The following LCOR variants were observed in gnomAD, a reference collection of about 807,000 sequenced individuals.
LCOR encodes the protein ligand dependent nuclear receptor corepressor.
LCOR carries 14 observed loss-of-function variants against 64.4 expected under a neutral mutation model. The observed-to-expected ratio is 0.22, with a 90% CI of 0.14 to 0.34. LCOR has a LOEUF of 0.34. Among genes scored for constraint, LCOR ranks in the 10% least tolerant of loss-of-function variants. LCOR has a pLI of 1.00. For synonymous variants in LCOR, 643 were observed against 642.5 expected, an observed-to-expected ratio of 1.00 and a Z score of -0.01; for missense variants, 1,686 against 1,765.3, an observed-to-expected ratio of 0.96 and a Z score of 0.80.
intron 4 of LCOR, among the ~76,000 whole-genome samples, chr10:96,910,928 C>T (rs1334627854): frequency 3.3e-5 from 5 of 152,024 alleles, no homozygotes; most frequent in Admixed American, 6.6e-5. Context: ...GTGAAAAATA[C>T]GAAGTAGCCT....
intron 2 of LCOR, among the ~76,000 whole-genome samples, chr10:96,876,455 C>G (rs1021638853): frequency 2.0e-5 from 3 of 151,972 alleles, no homozygotes; most frequent in Admixed American, 6.6e-5. Context: ...ATGGGAAAGG[C>G]CTTTAAATTA....
At chr10:96,877,397 T>A (rs1019993146) in intron 2 of LCOR, among the ~76,000 whole-genome samples, 3 of 151,932 alleles carry the variant, frequency 2.0e-5, no homozygotes, top group Non-Finnish European at 4.4e-5. Context: ...TGGTGATACA[T>A]GTCTGTAGTC....
chr10:96,862,255 T>C (rs1845899249), intron 2 of LCOR, among the ~76,000 whole-genome samples: 1 of 152,096 alleles, frequency 6.6e-6, no homozygotes, highest in African/African-American at 2.4e-5. Flanking sequence ...GAGGCTTCGT[T>C]ACATAGACAT....
At chr10:96,895,232 T>C (rs1846516918) in intron 2 of LCOR, among the ~76,000 whole-genome samples, 1 of 152,182 alleles carries the variant, frequency 6.6e-6, no homozygotes, top group Non-Finnish European at 1.5e-5. Flanking sequence ...GTGAACTAGA[T>C]CTCTGTCTGC....
At position 96,989,693 on chromosome 10, in the gene LCOR, A is replaced by ATT. The variant is rs1179095678; in HGVS notation, c.*4560_*4561insTT. On this transcript the variant is annotated 3_prime_UTR_variant, in exon 8 of 8. Transcript: ENST00000421806. ...GATAAGGATATATATATATATATAT[A>ATT]TATTTTTTTTTTTTTTTTTTTTTTT... 7.4e-5 allele frequency: 6 copies of ATT among 81,426 alleles called. No individual in the cohort carries two copies. The highest frequency in any genetic ancestry group is 3.0e-4 in the African/African-American group (4 of 13,482). 5.0% of individuals were successfully genotyped at this position (81,426 alleles called of 1,614,324 possible).
intron 2 of LCOR, among the ~76,000 whole-genome samples, chr10:96,848,678 A>G (rs1845672410): frequency 6.6e-6 from 1 of 152,126 alleles, no homozygotes; most frequent in Admixed American, 6.6e-5. Flanking sequence ...ACAAAACAAC[A>G]AAAAATAAAA....
chr10:96,856,378 C>A (rs190560282), intron 2 of LCOR, among the ~76,000 whole-genome samples: 1 of 151,210 alleles, frequency 6.6e-6, no homozygotes, highest in Admixed American at 6.6e-5. Flanking sequence ...GCATTTTAAT[C>A]CTCTTTCCCT....
intron 4 of LCOR, among the ~76,000 whole-genome samples, chr10:96,912,355 T>C (rs1158912866): frequency 1.3e-5 from 2 of 152,254 alleles, no homozygotes; most frequent in Admixed American, 6.5e-5. Flanking sequence ...TAGCATGTTA[T>C]GTAACCACAG....
At chr10:96,857,949 CTT>C (rs1340561799) in intron 2 of LCOR, among the ~76,000 whole-genome samples, 1 of 152,156 alleles carries the variant, frequency 6.6e-6, no homozygotes, top group East Asian at 1.9e-4. Flanking sequence ...ATAGCTCACT[CTT>C]TTTCTAGTGT....
rs953580473 is a variant in LCOR at position 96,983,898 on chromosome 10, A to G, written c.3438A>G (p.Lys1146=). Residue 1146 remains lysine, a synonymous_variant, in exon 8 of 8, where the codon AAA becomes AAG. Coordinates refer to ENST00000421806, the MANE Select transcript of LCOR (RefSeq NM_001346516.2). This position sits in a 1 kb window ranked among gnomAD's most constrained non-coding sequence, Gnocchi z 4.5. ...PRARNKSDKL[K]EIWKSKKRSR... ...CAAGGAACAAATCAGATAAACTGAA[A>G]GAGATTTGGAAAAGCAAGAAAAGGT... 6.2e-7 allele frequency: 1 copy of G among 1,614,216 alleles called. No individual in the cohort carries two copies. Among genetic ancestry groups the G allele is most frequent in the African/African-American group, 1.3e-5 (1 of 75,054 alleles).
chr10:96,846,888 T>C (rs1389727045), intron 2 of LCOR, among the ~76,000 whole-genome samples: 2 of 152,134 alleles, frequency 1.3e-5, no homozygotes, highest in African/African-American at 2.4e-5. Context: ...ATGTAACATA[T>C]CCATATCAAA....
chr10:96,944,470 T>C (rs1050042056), intron 5 of LCOR, among the ~76,000 whole-genome samples: 1 of 152,150 alleles, frequency 6.6e-6, no homozygotes, highest in Non-Finnish European at 1.5e-5. Context: ...ATTAAATAGT[T>C]TAGAAAATTA....
At chr10:96,841,781 A>G (rs1845546152) in intron 2 of LCOR, among the ~76,000 whole-genome samples, 1 of 151,418 alleles carries the variant, frequency 6.6e-6, no homozygotes, top group African/African-American at 2.4e-5. Flanking sequence ...ATAAAAAAAT[A>G]TAGAGATGAG....
chr10:96,909,818 A>T (rs1038667990), intron 4 of LCOR, among the ~76,000 whole-genome samples: 7 of 152,216 alleles, frequency 4.6e-5, no homozygotes, highest in Non-Finnish European at 1.0e-4. Flanking sequence ...TAGAAAAGAA[A>T]GCAACATTGT....
Position 96,984,607 on chromosome 10 carries a change from G to A in LCOR, c.4147G>A (p.Gly1383Arg), listed in dbSNP as rs1163431388. Residue 1383 changes from glycine to arginine, a missense_variant, in exon 8 of 8, where the codon GGG becomes AGG. Transcript: ENST00000421806. ...TACTGAAGGAATGAAGGGAAGGAAG[G>A]GGAAGCAGGTGTCTGAAATCTTGCC... is the stretch of plus-strand genomic sequence containing the variant. Reference protein sequence around the residue: ...KSTEGMKGRKGKQVSEILPKA... With the variant: ...KSTEGMKGRKRKQVSEILPKA... The A allele has an allele frequency of 3.7e-6, 6 of 1,614,196 alleles. No homozygotes were observed. Among genetic ancestry groups the A allele is most frequent in the South Asian group, 1.1e-5 (1 of 91,082 alleles).
intron 2 of LCOR, among the ~76,000 whole-genome samples, chr10:96,868,157 T>A (rs1311215188): frequency 6.6e-6 from 1 of 152,178 alleles, no homozygotes; most frequent in African/African-American, 2.4e-5. Flanking sequence ...GTGCTGGGAT[T>A]ACAGGCGTGA....
intron 7 of LCOR, chr10:96,955,165 A>G (rs899207320): frequency 6.2e-7 from 1 of 1,614,198 alleles, no homozygotes; most frequent in South Asian, 1.1e-5. Context: ...GGATTACAGA[A>G]TCATGGACAA....
At chr10:96,939,702 G>A (rs937136455) in intron 4 of LCOR, among the ~76,000 whole-genome samples, 10 of 152,314 alleles carry the variant, frequency 6.6e-5, no homozygotes, top group South Asian at 2.1e-4. Flanking sequence ...CGGGGCCCAC[G>A]CCTGTAATCC....
intron 2 of LCOR, among the ~76,000 whole-genome samples, chr10:96,866,460 C>A (rs1308013282): frequency 6.6e-6 from 1 of 152,166 alleles, no homozygotes; most frequent in Non-Finnish European, 1.5e-5. Flanking sequence ...CTGCTATAAA[C>A]ATTTTTGTAC....
Sources: allele counts gnomAD v4.1 joint callset (sites outside exome capture counted in the v4.1 genomes callset), GRCh38; gene constraint gnomAD v4.1.1; non-coding constraint Gnocchi (gnomAD v3.1); transcripts MANE v1.5; gene names NCBI Gene and HGNC (gene_info 2026-07-23, HGNC 2026-07-21).